Variants in DPH5 observed in about 807,000 individuals in gnomAD.
DPH5 encodes the protein diphthamide biosynthesis 5.
Under a neutral mutation model 31.6 loss-of-function variants are expected in DPH5, and 31 were observed. The ratio of observed to expected loss-of-function variants is 0.98; its 90% CI spans 0.74 to 1.32. The LOEUF (loss-of-function observed/expected upper bound fraction) is 1.32, where lower values mean the gene tolerates loss of function less well. DPH5 is among the 40% of genes most tolerant of loss of function. The probability of loss-of-function intolerance (pLI) is 0.00; values close to 1 mark genes in which losing one functional copy is unlikely to be tolerated. For synonymous variants in DPH5, 120 were observed against 115.0 expected (o/e 1.04, Z -0.28); for missense variants, 309 against 335.7 (o/e 0.92, Z 0.62).
At chr1:101,004,745 A>AGGCATCG (rs1659104011) in intron 4 of DPH5, among the ~76,000 whole-genome samples, 1 of 152,214 alleles carries the variant, frequency 6.6e-6, no homozygotes. Flanking sequence ...GGGCATCTGA[A>AGGCATCG]GGCATCTTCT....
rs749550551 is a variant in DPH5, at chr1:100,992,746, G to A, written c.531-6C>T. The A allele has an allele frequency of 6.2e-7, 1 of 1,601,048 alleles. No individual in the cohort carries two copies. The highest frequency in any genetic ancestry group is 1.7e-5 in the Admixed American group (1 of 59,928). On this transcript the variant is annotated splice_region_variant and splice_polypyrimidine_tract_variant and intron_variant, in intron 6 of 7. Coordinates refer to ENST00000370109, the MANE Select transcript of DPH5 (RefSeq NM_015958.3). ...GTTCATAGATCTTCCTTCCCCTATA[G>A]GCAGAAAACTAGATGCCACTGTTCT...
chr1:101,016,133 T>A (rs1336915730), intron 3 of DPH5, among the ~76,000 whole-genome samples: 1 of 152,030 alleles, frequency 6.6e-6, no homozygotes, highest in Admixed American at 6.5e-5. Flanking sequence ...GGCAGACAGA[T>A]CACGAGGTCA....
At chr1:101,025,054 T>C (rs1211899989) in intron 2 of DPH5, 9 of 441,902 alleles carry the variant, frequency 2.0e-5, no homozygotes, top group Admixed American at 7.7e-5. Flanking sequence ...CCCAGGAGTA[T>C]AAAATAGCTT....
At chr1:101,014,152 T>G (rs1206034900) in intron 3 of DPH5, among the ~76,000 whole-genome samples, 1 of 152,248 alleles carries the variant, frequency 6.6e-6, no homozygotes, top group African/African-American at 2.4e-5. Flanking sequence ...GAGCAGCAAT[T>G]CTTAAGCTCT....
chr1:100,992,085 G>GA (rs1420911186), intron 7 of DPH5, among the ~76,000 whole-genome samples: 1 of 149,590 alleles, frequency 6.7e-6, no homozygotes, highest in Non-Finnish European at 1.5e-5. Flanking sequence ...GTGACAAAGT[G>GA]AGACCCTCTC....
intron 3 of DPH5, among the ~76,000 whole-genome samples, chr1:101,018,813 G>A (rs1332357744): frequency 6.6e-6 from 1 of 152,176 alleles, no homozygotes; most frequent in African/African-American, 2.4e-5. Flanking sequence ...GGATAAAGAA[G>A]TGGGAGGCAG....
chr1:100,993,436 C>T (rs1162890803), intron 6 of DPH5, among the ~76,000 whole-genome samples: 1 of 150,966 alleles, frequency 6.6e-6, no homozygotes, highest in South Asian at 2.1e-4. Context: ...CCTGTAATCC[C>T]AGCTACTCAG....
At chr1:101,024,071 C>G (rs1025015547) in intron 2 of DPH5, among the ~76,000 whole-genome samples, 3 of 151,896 alleles carry the variant, frequency 2.0e-5, no homozygotes, top group Non-Finnish European at 2.9e-5. Flanking sequence ...TGGTTCTATC[C>G]TAAGAGTGAA....
chr1:101,023,955 T>C (rs564348032), intron 2 of DPH5, among the ~76,000 whole-genome samples: 3 of 152,378 alleles, frequency 2.0e-5, no homozygotes, highest in East Asian at 1.9e-4. Flanking sequence ...ATCAAACTGC[T>C]GTTTTGTTAT....
At chr1:101,007,276 T>C (rs1490421573) in intron 4 of DPH5, among the ~76,000 whole-genome samples, 1 of 152,198 alleles carries the variant, frequency 6.6e-6, no homozygotes, top group Non-Finnish European at 1.5e-5. Flanking sequence ...CAATATATCT[T>C]CCTAATTTTC....
At position 101,001,473 on chromosome 1, in the gene DPH5, A is replaced by T. The variant is rs1197652923; in HGVS notation, c.484T>A (p.Leu162Ile). 1.2e-6 allele frequency: 2 copies of T among 1,612,704 alleles called. No individual in the cohort carries two copies. The highest frequency in any genetic ancestry group is 1.7e-4 in the Middle Eastern group (1 of 6,044). ...NRQNGMHTLC[L>I]LDIKVKEQSL... is the part of the protein sequence containing the mutation. ...GAAATTCCAAAACCCTTACCTAGTA[A>T]ACATAATGTGTGCATGCCATTTTGT... is the stretch of plus-strand genomic sequence containing the variant. Residue 162 changes from leucine to isoleucine, a missense_variant, in exon 5 of 8, where the codon TTA becomes ATA. Physicochemically the swap from Leu to Ile is conservative, Grantham distance 5 (BLOSUM62 2). Coordinates refer to ENST00000370109, the MANE Select transcript of DPH5 (RefSeq NM_015958.3).
At chr1:100,992,159 C>T (rs1447698917) in intron 7 of DPH5, among the ~76,000 whole-genome samples, 5 of 151,222 alleles carry the variant, frequency 3.3e-5, no homozygotes, top group African/African-American at 9.7e-5. Flanking sequence ...TATTATATAC[C>T]ACACACTGTG....
At chr1:101,025,119 C>A in intron 2 of DPH5, 190 bp downstream of exon 2, 1 of 652,518 alleles carries the variant, frequency 1.5e-6, no homozygotes, top group Non-Finnish European at 2.5e-6. Context: ...GACAAAGCAC[C>A]CTTTCATTTT....
chr1:101,001,402 A>G, intron 5 of DPH5, 65 bp downstream of exon 5: 1 of 1,542,110 alleles, frequency 6.5e-7, no homozygotes, highest in Non-Finnish European at 8.8e-7. Flanking sequence ...CCTTAACACA[A>G]AATCAAAATG....
chr1:100,994,448 CATT>C (rs1658141509), intron 6 of DPH5, among the ~76,000 whole-genome samples: 1 of 151,924 alleles, frequency 6.6e-6, no homozygotes, highest in African/African-American at 2.4e-5. Flanking sequence ...TTAGTACTAT[CATT>C]ATACATCTGA....
At position 101,004,865 on chromosome 1, in the gene DPH5, A is replaced by G. The variant is rs190446815; in HGVS notation, c.370-3278T>C. Among the ~76,000 whole-genome samples the G allele has an allele frequency of 1.1e-3, 165 of 152,346 alleles. 2 individuals carry two copies. Among genetic ancestry groups the G allele is most frequent in the African/African-American group, 3.8e-3 (160 of 41,582 alleles). On this transcript the variant is annotated intron_variant, in intron 4 of 7. Transcript: ENST00000370109. Reference sequence around the variant, plus strand: ...TATGAACAAAGTAACAGAGGCGGGAAGTCTTGGGCAATATTTAAAATGGCA... The same window carrying G: ...TATGAACAAAGTAACAGAGGCGGGAGGTCTTGGGCAATATTTAAAATGGCA...
At position 101,001,011 on chromosome 1, in the gene DPH5, A is replaced by C. The variant is rs143729817; in HGVS notation, c.490+456T>G. The stretch of plus-strand genomic sequence containing the variant: ...ATTCAATATTCTGGGCCTCAACTTC[A>C]TCTGTAAAACAGGCCTCAATAAGAT... On this transcript the variant is annotated intron_variant, in intron 5 of 7. Coordinates refer to ENST00000370109, the MANE Select transcript of DPH5 (RefSeq NM_015958.3). Among the ~76,000 whole-genome samples the C allele has an allele frequency of 5.6e-3, 850 of 152,334 alleles. 3 individuals carry two copies. Among genetic ancestry groups the C allele is most frequent in the African/African-American group, 0.02 (820 of 41,568 alleles).
intron 3 of DPH5, among the ~76,000 whole-genome samples, chr1:101,016,776 C>T (rs757823978): frequency 1.3e-5 from 2 of 152,124 alleles, no homozygotes; most frequent in Non-Finnish European, 2.9e-5. Flanking sequence ...TTCCTCATTT[C>T]TAGCTTTTGA....
chr1:100,994,966 C>G, intron 6 of DPH5, 144 bp downstream of exon 6: 1 of 584,904 alleles, frequency 1.7e-6, no homozygotes, highest in Non-Finnish European at 3.1e-6. Context: ...CTTATCATTT[C>G]GTAAGAATAA....
Sources: gnomAD v4.1 joint callset for allele counts (sites outside exome capture counted in the v4.1 genomes callset) on GRCh38, gnomAD v4.1.1 for gene constraint, MANE v1.5 for transcripts, NCBI Gene and HGNC (gene_info 2026-07-23, HGNC 2026-07-21) for gene names.